Variants in ATP6V0D2 observed in about 807,000 individuals in gnomAD.
The protein encoded by ATP6V0D2 is ATPase H+ transporting V0 subunit d2.
Under a neutral mutation model 40.0 loss-of-function variants are expected in ATP6V0D2, and 40 were observed. That is an observed-to-expected ratio of 1.00 (90% CI 0.78 to 1.30). The LOEUF (loss-of-function observed/expected upper bound fraction) is 1.30, where lower values mean the gene tolerates loss of function less well. ATP6V0D2 is among the 50% of genes most tolerant of loss of function. The pLI, the probability that ATP6V0D2 is intolerant of heterozygous loss-of-function variation, is 0.00. For synonymous variants in ATP6V0D2, 179 were observed against 156.3 expected, an observed-to-expected ratio of 1.15 and a Z score of -1.08; for missense variants, 470 against 423.1, an observed-to-expected ratio of 1.11 and a Z score of -0.97.
At chr8:86,105,587 C>T (rs534220853) in intron 1 of ATP6V0D2, among the ~76,000 whole-genome samples, 1 of 149,818 alleles carries the variant, frequency 6.7e-6, no homozygotes, top group East Asian at 2.0e-4. Flanking sequence ...TGTAAGCCAG[C>T]GAGTGCCTAG....
At position 86,141,502 on chromosome 8, in the gene ATP6V0D2, T is replaced by A; in HGVS notation, c.534T>A (p.Ile178=). ...AAAATGCTCTAGATGAACTGAATATTGAATTGCTACGCAATAAACTATACA... is the reference window on the plus strand; with the variant it reads ...AAAATGCTCTAGATGAACTGAATATAGAATTGCTACGCAATAAACTATACA... ...MSENALDELN[I]ELLRNKLYKS... is the part of the protein sequence containing the mutation. Residue 178 remains isoleucine, a synonymous_variant, in exon 4 of 8, where the codon ATT becomes ATA. Transcript: ENST00000285393. 1 of 1,608,866 alleles carries A rather than the reference T, an allele frequency of 6.2e-7. No homozygotes were observed. The highest frequency in any genetic ancestry group is 1.3e-5 in the African/African-American group (1 of 74,994).
chr8:86,116,673 G>T (rs1293705863), intron 2 of ATP6V0D2, among the ~76,000 whole-genome samples: 1 of 152,000 alleles, frequency 6.6e-6, no homozygotes, highest in Non-Finnish European at 1.5e-5. Flanking sequence ...GCACGTTCAG[G>T]GTGGTATGGC....
In ATP6V0D2 at chr8:86,123,350, A is replaced by T. The variant is rs369526834; in HGVS notation, c.302+9470A>T. Reference sequence around the variant, plus strand: ...TCCAAATAGCATTCCAAAAGTGATCATTTTTTTCTTTTTTGCTTATTTGTA... The same window carrying T: ...TCCAAATAGCATTCCAAAAGTGATCTTTTTTTTCTTTTTTGCTTATTTGTA... On this transcript the variant is annotated intron_variant, in intron 2 of 7. Transcript: ENST00000285393. Among the ~76,000 whole-genome samples the T allele has an allele frequency of 1.9e-3, 290 of 152,128 alleles. 2 individuals carry two copies. The highest frequency in any genetic ancestry group is 6.8e-3 in the African/African-American group (282 of 41,498).
intron 1 of ATP6V0D2, among the ~76,000 whole-genome samples, chr8:86,103,146 T>C (rs1818425104): frequency 6.6e-6 from 1 of 151,964 alleles, no homozygotes; most frequent in African/African-American, 2.4e-5. Context: ...AGACGGAGTT[T>C]AGCTCCTGTC....
chr8:86,101,462 G>GAAAA (rs59915079), intron 1 of ATP6V0D2, among the ~76,000 whole-genome samples: 4 of 78,174 alleles, frequency 5.1e-5, no homozygotes, highest in Non-Finnish European at 7.5e-5. Context: ...CCTGTCTCAG[G>GAAAA]AAAAAAAAAA....
At chr8:86,130,928 T>A (rs1052134972) in intron 2 of ATP6V0D2, among the ~76,000 whole-genome samples, 8 of 152,096 alleles carry the variant, frequency 5.3e-5, no homozygotes, top group African/African-American at 1.9e-4. Context: ...TCACTCTGAC[T>A]CAGTACTTGT....
Position 86,122,629 on chromosome 8 carries a change from G to A in ATP6V0D2, c.302+8749G>A, listed in dbSNP as rs372959933. Among the ~76,000 whole-genome samples the A allele has an allele frequency of 5.3e-5, 8 of 152,296 alleles. 1 individual carries two copies. The South Asian group carries it at 1.2e-3, about 24-fold the overall frequency. Reference sequence around the variant, plus strand: ...GCTTACATTCTAATGCAGCAAGCAAGTCCACAAATGGTGTAAAAGTAAGAC... The same window carrying A: ...GCTTACATTCTAATGCAGCAAGCAAATCCACAAATGGTGTAAAAGTAAGAC... On this transcript the variant is annotated intron_variant, in intron 2 of 7. Coordinates refer to ENST00000285393, the MANE Select transcript of ATP6V0D2 (RefSeq NM_152565.1).
intron 2 of ATP6V0D2, among the ~76,000 whole-genome samples, chr8:86,118,085 C>CTTTT (rs1222811419): frequency 1.1e-3 from 31 of 27,596 alleles, no homozygotes; most frequent in South Asian, 2.8e-3. Context: ...TTCTTTCTTT[C>CTTTT]TTTTTTTTTT....
intron 2 of ATP6V0D2, among the ~76,000 whole-genome samples, chr8:86,115,136 T>C (rs1485340291): frequency 6.6e-6 from 1 of 152,044 alleles, no homozygotes; most frequent in African/African-American, 2.4e-5. Context: ...ATCTAAGATT[T>C]TTAGAGGCAG....
Position 86,150,351 on chromosome 8 carries a change from G to T in ATP6V0D2, c.816+63G>T. On this transcript the variant is annotated intron_variant, in intron 6 of 7. Transcript: ENST00000285393. ...TCATTCATTTCCATGTGCTTTAGAA[G>T]CTCACACATCAAATTTCCGCTTATA... The T allele has an allele frequency of 3.4e-6, 5 of 1,481,486 alleles. No individual in the cohort carries two copies. The East Asian group carries it at 6.9e-5, about 20-fold the overall frequency. The allele number at this position is 1,481,486 out of a possible 1,614,324, so 91.8% of individuals were successfully genotyped here. A position where few individuals can be genotyped will look rare whatever the true frequency, so the allele number is the denominator to read the frequency against.
chr8:86,116,011 T>C (rs1818587866), intron 2 of ATP6V0D2, among the ~76,000 whole-genome samples: 1 of 152,186 alleles, frequency 6.6e-6, no homozygotes, highest in South Asian at 2.1e-4. Flanking sequence ...GGCTCTTCTG[T>C]TTGGAATTTC....
intron 2 of ATP6V0D2, among the ~76,000 whole-genome samples, chr8:86,116,276 C>T (rs1818590920): frequency 6.6e-6 from 1 of 152,212 alleles, no homozygotes; most frequent in African/African-American, 2.4e-5. Context: ...TACACACTCT[C>T]CCACCCACAC....
At chr8:86,104,627 CA>C (rs367732329) in intron 1 of ATP6V0D2, among the ~76,000 whole-genome samples, 1 of 152,134 alleles carries the variant, frequency 6.6e-6, no homozygotes, top group Non-Finnish European at 1.5e-5. Flanking sequence ...GAACGAGTGG[CA>C]GGGGGTGGTG....
At chr8:86,111,172 C>CT (rs1276659853) in intron 1 of ATP6V0D2, among the ~76,000 whole-genome samples, 44 of 143,880 alleles carry the variant, frequency 3.1e-4, no homozygotes, top group Middle Eastern at 3.5e-3. Context: ...TCGTTTTTTT[C>CT]TTTTTTTTTC....
intron 1 of ATP6V0D2, among the ~76,000 whole-genome samples, chr8:86,105,096 T>C (rs990717459): frequency 7.2e-6 from 1 of 138,612 alleles, no homozygotes; most frequent in African/African-American, 2.9e-5. Context: ...GAATCTATCA[T>C]GGGATGGAAT....
intron 2 of ATP6V0D2, among the ~76,000 whole-genome samples, chr8:86,138,968 C>T (rs1563563989): frequency 6.6e-6 from 1 of 152,186 alleles, no homozygotes; most frequent in Non-Finnish European, 1.5e-5. Flanking sequence ...TGGCTCATGC[C>T]TATAATTCCA....
rs200614661 is a variant in ATP6V0D2 at position 86,139,550 on chromosome 8, G to T, written c.396G>T (p.Leu132Phe). 5.0e-5 allele frequency: 80 copies of T among 1,613,606 alleles called. No homozygotes were observed. Among genetic ancestry groups the T allele is most frequent in the Non-Finnish European group, 1.4e-5 (16 of 1,179,856 alleles). ...VKEILGKCHP[L>F]GRFTEMEAVN... The stretch of plus-strand genomic sequence containing the variant: ...AAATTCTGGGGAAGTGCCACCCCTT[G>T]GGCCGTTTCACAGAAATGGAAGCTG... The change falls in exon 3 of 8, where the codon TTG (leucine) becomes TTT (phenylalanine). Residue 132 changes from leucine (L) to phenylalanine (F), a missense_variant. Physicochemically the swap from Leu to Phe is conservative, Grantham distance 22. Coordinates refer to ENST00000285393, the MANE Select transcript of ATP6V0D2 (RefSeq NM_152565.1).
chr8:86,143,596 C>T (rs986828841), intron 5 of ATP6V0D2, among the ~76,000 whole-genome samples: 2 of 152,176 alleles, frequency 1.3e-5, no homozygotes, highest in Admixed American at 6.5e-5. Flanking sequence ...GTGAGGACGA[C>T]CATGGTCACT....
At chr8:86,121,384 A>G (rs7831391) in intron 2 of ATP6V0D2, among the ~76,000 whole-genome samples, 27,697 of 152,146 alleles carry the variant, frequency 0.18, 2,984 homozygotes, top group East Asian at 0.31. Context: ...AGCCTAGCCA[A>G]AATGGTGAAA....
Sources: gnomAD v4.1 joint callset for allele counts (sites outside exome capture counted in the v4.1 genomes callset) on GRCh38, gnomAD v4.1.1 for gene constraint, MANE v1.5 for transcripts, NCBI Gene and HGNC (gene_info 2026-07-23, HGNC 2026-07-21) for gene names.